The following CFAP97 variants were observed in gnomAD, a reference collection of about 807,000 sequenced individuals.
CFAP97 encodes cilia and flagella associated protein 97, also known as cilia- and flagella-associated protein 97.
A neutral mutation model predicts 43.1 loss-of-function variants in CFAP97; 36 were observed. That is an observed-to-expected ratio of 0.84 (90% CI 0.64 to 1.10). The LOEUF (loss-of-function observed/expected upper bound fraction) is 1.10, where lower values mean the gene tolerates loss of function less well. Among genes scored for constraint, CFAP97 ranks in the 50% least tolerant of loss-of-function variants. The pLI, the probability that CFAP97 is intolerant of heterozygous loss-of-function variation, is 0.00. For synonymous variants in CFAP97, 228 were observed against 225.7 expected, an observed-to-expected ratio of 1.01 and a Z score of -0.09; for missense variants, 657 against 620.3, an observed-to-expected ratio of 1.06 and a Z score of -0.63.
intron 1 of CFAP97, among the ~76,000 whole-genome samples, chr4:185,203,379 C>G (rs1736999589): frequency 6.6e-6 from 1 of 152,226 alleles, no homozygotes; most frequent in Non-Finnish European, 1.5e-5. Context: ...CATCTTGTTA[C>G]TGTGACAATA....
At chr4:185,199,397 G>A (rs960187876) in intron 1 of CFAP97, among the ~76,000 whole-genome samples, 7 of 151,606 alleles carry the variant, frequency 4.6e-5, no homozygotes, top group South Asian at 2.1e-4. Flanking sequence ...ATCTGGGTGC[G>A]GTGCCTCCCA....
upstream of CFAP97, chr4:185,210,018 C>A (rs1737480989): frequency 1.0e-6 from 1 of 983,892 alleles, no homozygotes; most frequent in Non-Finnish European, 1.2e-6. The surrounding 1 kb of genome is among the most constrained non-coding windows in gnomAD (Gnocchi z 4.4). Context: ...TGGCGGTGGC[C>A]GCACTCGCCG....
rs1332919707 is a variant in CFAP97, at chr4:185,160,367, TC to T, written c.*2430del. ...TCAAAGTACATATATTCAGTACAAG[TC>T]AAAAAAAAAATAAAATAAAATAGTG... On this transcript the variant is annotated 3_prime_UTR_variant, in exon 5 of 5. Coordinates refer to ENST00000458385, the MANE Select transcript of CFAP97 (RefSeq NM_020827.3). The T allele has an allele frequency of 2.3e-5, 3 of 131,668 alleles. No homozygotes were observed. The highest frequency in any genetic ancestry group is 9.4e-5 in the African/African-American group (3 of 31,996). 8.2% of individuals were successfully genotyped at this position (131,668 alleles called of 1,614,324 possible).
chr4:185,162,268 G>C lies in CFAP97; in HGVS notation c.*530C>G, dbSNP rs1446246199. 1 of 153,408 alleles carries C rather than the reference G, an allele frequency of 6.5e-6. No homozygotes were observed. The highest frequency in any genetic ancestry group is 1.5e-5 in the Non-Finnish European group (1 of 68,914). The allele number at this position is 153,408 out of a possible 1,614,324, so 9.5% of individuals were successfully genotyped here. A position where few individuals can be genotyped will look rare whatever the true frequency, so the allele number is the denominator to read the frequency against. On this transcript the variant is annotated 3_prime_UTR_variant, in exon 5 of 5. Transcript: ENST00000458385. Reference sequence around the variant, plus strand: ...CTCCAATAGAAGCGTCTCTCAATCTGCTCATCAAATCTAGATCAGCTCTAC... The same window carrying C: ...CTCCAATAGAAGCGTCTCTCAATCTCCTCATCAAATCTAGATCAGCTCTAC...
chr4:185,169,813 A>T (rs1735224141), intron 3 of CFAP97: 1 of 985,366 alleles, frequency 1.0e-6, no homozygotes, highest in Non-Finnish European at 1.2e-6. Flanking sequence ...CTACATTTCA[A>T]CAGTGGGAGT....
At chr4:185,174,557 TA>T (rs1735440813) in intron 3 of CFAP97, among the ~76,000 whole-genome samples, 1 of 152,192 alleles carries the variant, frequency 6.6e-6, no homozygotes, top group Non-Finnish European at 1.5e-5. Flanking sequence ...TAATGACACA[TA>T]AGGAGGGTTA....
chr4:185,178,952 G>A (rs1735669996), intron 2 of CFAP97, among the ~76,000 whole-genome samples: 1 of 152,192 alleles, frequency 6.6e-6, no homozygotes, highest in South Asian at 2.1e-4. Flanking sequence ...CAGAGCACCA[G>A]TGGTTTATTT....
chr4:185,174,675 T>C (rs1735442966), intron 3 of CFAP97, among the ~76,000 whole-genome samples: 1 of 152,234 alleles, frequency 6.6e-6, no homozygotes, highest in Non-Finnish European at 1.5e-5. Context: ...TACCCAGGTT[T>C]AAAATCTTGG....
intron 1 of CFAP97, among the ~76,000 whole-genome samples, chr4:185,195,443 A>G (rs1736494667): frequency 6.6e-6 from 1 of 152,236 alleles, no homozygotes; most frequent in Non-Finnish European, 1.5e-5. Flanking sequence ...TCATCACACC[A>G]CTGCACTCCA....
rs1370397951 is a variant in CFAP97 at position 185,190,825 on chromosome 4, T to C, written c.372A>G (p.Val124=). ...VSIPNRIPKI[V]KEGEDDYYTD... ...TGTAGTAATCATCTTCACCTTCTTT[T>C]ACAATTTTGGGAATTCTATTTGGAA... Residue 124 remains valine, a synonymous_variant, in exon 2 of 5, where the codon GTA becomes GTG. Coordinates refer to ENST00000458385, the MANE Select transcript of CFAP97 (RefSeq NM_020827.3). 6.2e-7 allele frequency: 1 copy of C among 1,609,358 alleles called. No individual in the cohort carries two copies. Among genetic ancestry groups the C allele is most frequent in the Admixed American group, 1.7e-5 (1 of 59,206 alleles).
intron 1 of CFAP97, among the ~76,000 whole-genome samples, chr4:185,198,456 A>AGAAG (rs71593610): frequency 1.1e-4 from 17 of 149,266 alleles, no homozygotes; most frequent in African/African-American, 3.5e-4. Flanking sequence ...AAAAAAAAAA[A>AGAAG]GAAAGAAAGG....
chr4:185,193,034 CCCA>C (rs1736372164), intron 1 of CFAP97, among the ~76,000 whole-genome samples: 2 of 151,984 alleles, frequency 1.3e-5, no homozygotes, highest in East Asian at 3.9e-4. Flanking sequence ...GCCACCGCGC[CCCA>C]CCCAGAATTG....
At chr4:185,193,268 T>C (rs921129490) in intron 1 of CFAP97, among the ~76,000 whole-genome samples, 4 of 152,022 alleles carry the variant, frequency 2.6e-5, no homozygotes, top group African/African-American at 7.2e-5. Context: ...AAGACAAACA[T>C]ACATAAAAAT....
At chr4:185,198,084 C>A (rs375315761) in intron 1 of CFAP97, among the ~76,000 whole-genome samples, 1 of 152,064 alleles carries the variant, frequency 6.6e-6, no homozygotes, top group African/African-American at 2.4e-5. Flanking sequence ...CTATGAAGGC[C>A]GAGAGAGGTA....
chr4:185,175,692 T>C (rs1735487135), intron 3 of CFAP97, 94 bp downstream of exon 3: 3 of 1,172,092 alleles, frequency 2.6e-6, no homozygotes, highest in South Asian at 2.9e-5. Context: ...TAATGAAGTT[T>C]GAATATTTGG....
intron 1 of CFAP97, among the ~76,000 whole-genome samples, chr4:185,192,323 C>T (rs1340395701): frequency 2.0e-5 from 3 of 152,118 alleles, no homozygotes; most frequent in Non-Finnish European, 4.4e-5. Flanking sequence ...ATGAGAAATT[C>T]ACAGCATACA....
At position 185,190,430 on chromosome 4, in the gene CFAP97, C is replaced by CT; in HGVS notation, c.766dup (p.Ser256LysfsTer9). 6.2e-7 allele frequency: 1 copy of CT among 1,613,750 alleles called. No individual in the cohort carries two copies. The highest frequency in any genetic ancestry group is 8.5e-7 in the Non-Finnish European group (1 of 1,179,764). On this transcript the variant is annotated frameshift_variant, in exon 2 of 5. Coordinates refer to ENST00000458385, the MANE Select transcript of CFAP97 (RefSeq NM_020827.3). LOFTEE classifies it high-confidence loss of function. ...GCTAATGTCTGGAGTTGATAAGGGA[C>CT]TTACGTCAGTCACAGTATCTTCAGA...
intron 1 of CFAP97, among the ~76,000 whole-genome samples, chr4:185,194,419 G>A (rs1259965454): frequency 6.6e-6 from 1 of 152,030 alleles, no homozygotes; most frequent in East Asian, 1.9e-4. Context: ...AATGCAGGAG[G>A]CAGAAGTTGC....
chr4:185,191,617 G>A (rs1736259503), intron 1 of CFAP97, among the ~76,000 whole-genome samples: 1 of 152,196 alleles, frequency 6.6e-6, no homozygotes, highest in African/African-American at 2.4e-5. Flanking sequence ...GGACCACGAG[G>A]TCAAGAGATC....
Sources: gnomAD v4.1 joint callset for allele counts (sites outside exome capture counted in the v4.1 genomes callset) on GRCh38, gnomAD v4.1.1 for gene constraint, Gnocchi (gnomAD v3.1) non-coding constraint, MANE v1.5 for transcripts, NCBI Gene and HGNC (gene_info 2026-07-23, HGNC 2026-07-21) for gene names.